The following ALKBH8 variants were observed in gnomAD, a reference collection of about 807,000 sequenced individuals.
ALKBH8 encodes the protein alkB homolog 8, tRNA methyltransferase.
In ALKBH8, 36 loss-of-function variants were observed where a neutral mutation model predicts 59.8. That is an observed-to-expected ratio of 0.60 (90% confidence interval 0.46 to 0.79). The LOEUF is 0.79. Ranked by LOEUF, ALKBH8 falls within the 30% of genes least tolerant of loss-of-function variation. The pLI is 0.00. For synonymous variants in ALKBH8, 276 were observed against 273.6 expected (o/e 1.01, Z -0.09); for missense variants, 768 against 801.0 (o/e 0.96, Z 0.50).
At position 107,545,883 on chromosome 11, in the gene ALKBH8, C is replaced by T. The variant is rs571593941; in HGVS notation, c.771+3870G>A. On this transcript the variant is annotated intron_variant, in intron 7 of 11. Transcript: ENST00000428149. Reference sequence around the variant, plus strand: ...TTAAATCACATGCAAATCCATTAAACATCTGAAAATCTGGCAGAGTCAGGA... The same window carrying T: ...TTAAATCACATGCAAATCCATTAAATATCTGAAAATCTGGCAGAGTCAGGA... 3.3e-5 allele frequency among the ~76,000 whole-genome samples: 5 copies of T among 152,278 alleles called. No individual in the cohort carries two copies. The South Asian group carries it at 8.3e-4, about 25-fold the overall frequency.
chr11:107,544,467 A>G (rs1301765227), intron 7 of ALKBH8, among the ~76,000 whole-genome samples: 1 of 152,196 alleles, frequency 6.6e-6, no homozygotes, highest in African/African-American at 2.4e-5. Context: ...AGAGATCCTG[A>G]AAGATGAGAA....
At chr11:107,538,000 AT>A (rs1353776449) in intron 7 of ALKBH8, among the ~76,000 whole-genome samples, 8 of 152,092 alleles carry the variant, frequency 5.3e-5, no homozygotes, top group African/African-American at 1.7e-4. Flanking sequence ...GGGCCCCACA[AT>A]TTAGATAGCC....
intron 7 of ALKBH8, among the ~76,000 whole-genome samples, chr11:107,533,593 G>A (rs1310752868): frequency 6.6e-6 from 1 of 152,020 alleles, no homozygotes; most frequent in Non-Finnish European, 1.5e-5. Flanking sequence ...ATTTCATATA[G>A]TCATACCCTG....
At chr11:107,526,977 A>T (rs1003392224) in intron 8 of ALKBH8, among the ~76,000 whole-genome samples, 1 of 152,014 alleles carries the variant, frequency 6.6e-6, no homozygotes, top group Non-Finnish European at 1.5e-5. Context: ...GCCATATAGT[A>T]AGTCTTAAAA....
At position 107,549,792 on chromosome 11, in the gene ALKBH8, A is replaced by C; in HGVS notation, c.732T>G (p.Ala244=). 1 of 1,550,444 alleles carries C rather than the reference A, an allele frequency of 6.4e-7. No individual in the cohort carries two copies. Among genetic ancestry groups the C allele is most frequent in the Non-Finnish European group, 8.7e-7 (1 of 1,145,980 alleles). The change falls in exon 7 of 12, where the codon GCT becomes GCG. Residue 244 remains alanine (A), a synonymous_variant. Coordinates refer to ENST00000428149, the MANE Select transcript of ALKBH8 (RefSeq NM_138775.3). ...TGAGAGAAACGATCTCATCCTCAAAAGCGGAATGTGTATCAATATGAGCGG... is the reference window on the plus strand; with the variant it reads ...TGAGAGAAACGATCTCATCCTCAAACGCGGAATGTGTATCAATATGAGCGG... ...GIPAHIDTHS[A]FEDEIVSLSL... is the part of the protein sequence containing the mutation.
rs1181665297 is a variant in ALKBH8 at position 107,505,337 on chromosome 11, T to C, written c.1438-122A>G. ...TAAGAATATCTAACAAAATATCTTA[T>C]GTAAAACAAAAAGGAAAAAAAGAAG... On this transcript the variant is annotated intron_variant, in intron 11 of 11. Transcript: ENST00000428149. 18 of 749,766 alleles carry C rather than the reference T, an allele frequency of 2.4e-5. No homozygotes were observed. The East Asian group carries it at 3.9e-4, about 16-fold the overall frequency. 46.4% of individuals were successfully genotyped at this position (749,766 alleles called of 1,614,324 possible).
intron 10 of ALKBH8, among the ~76,000 whole-genome samples, chr11:107,513,246 GA>G (rs1565314357): frequency 6.6e-6 from 1 of 152,112 alleles, no homozygotes; most frequent in African/African-American, 2.4e-5. Context: ...CAAAGGACAT[GA>G]ACAGATACTT....
chr11:107,548,803 G>C (rs902517906), intron 7 of ALKBH8, among the ~76,000 whole-genome samples: 1 of 151,860 alleles, frequency 6.6e-6, no homozygotes, highest in Admixed American at 6.6e-5. Flanking sequence ...AATTAGATTA[G>C]ATGACCTGAT....
chr11:107,565,260 A>G (rs1591339778), intron 1 of ALKBH8: 1 of 422,938 alleles, frequency 2.4e-6, no homozygotes, highest in East Asian at 4.8e-5. Context: ...CATCGATGCA[A>G]TCAGACCGAT....
chr11:107,562,143 C>A (rs1864960930), intron 1 of ALKBH8, among the ~76,000 whole-genome samples: 1 of 151,928 alleles, frequency 6.6e-6, no homozygotes, highest in African/African-American at 2.4e-5. Context: ...ACTAAAAGTA[C>A]AAAAAATTAG....
intron 10 of ALKBH8, among the ~76,000 whole-genome samples, chr11:107,516,955 T>C (rs1862889758): frequency 1.3e-5 from 2 of 151,964 alleles, no homozygotes; most frequent in African/African-American, 4.8e-5. Flanking sequence ...GCCTGCAAGG[T>C]CAAGGAGGCT....
chr11:107,561,239 C>G (rs1372807869), intron 1 of ALKBH8, among the ~76,000 whole-genome samples: 1 of 151,874 alleles, frequency 6.6e-6, no homozygotes, highest in African/African-American at 2.4e-5. Context: ...TAACGTAAAC[C>G]AAGGCAAGGA....
chr11:107,518,447 C>T (rs891199121), intron 10 of ALKBH8, among the ~76,000 whole-genome samples: 35 of 152,196 alleles, frequency 2.3e-4, no homozygotes, highest in Non-Finnish European at 4.7e-4. Flanking sequence ...ATAAACTGGC[C>T]CCAAAACTGG....
At chr11:107,562,099 A>C (rs529671983) in intron 1 of ALKBH8, among the ~76,000 whole-genome samples, 1 of 152,260 alleles carries the variant, frequency 6.6e-6, no homozygotes, top group African/African-American at 2.4e-5. Flanking sequence ...GGAGTTCAAG[A>C]CCAGCCTGGT....
chr11:107,526,001 A>G (rs1006844983), intron 8 of ALKBH8, among the ~76,000 whole-genome samples: 7 of 152,072 alleles, frequency 4.6e-5, no homozygotes, highest in Admixed American at 4.6e-4. Context: ...AAAAATTAAA[A>G]ATAACTACAT....
rs537777022 is a variant in ALKBH8, at chr11:107,560,876, T to C, written c.18A>G (p.Gln6=). The C allele has an allele frequency of 2.5e-6, 4 of 1,612,686 alleles. No individual in the cohort carries two copies. In the African/African-American group the frequency reaches 5.3e-5, roughly 22 times the overall value. Residue 6 remains glutamine, a synonymous_variant, in exon 2 of 12, where the codon CAA becomes CAG. Coordinates refer to ENST00000428149, the MANE Select transcript of ALKBH8 (RefSeq NM_138775.3). The part of the protein sequence containing the change: MDSNH[Q]SNYKLSKTEK... ...CAGTTTTACTGAGTTTGTAATTACT[T>C]TGATGGTTGCTGTCCATAGCAAACT...
At chr11:107,551,296 G>A (rs1864480293) in intron 6 of ALKBH8, among the ~76,000 whole-genome samples, 1 of 152,210 alleles carries the variant, frequency 6.6e-6, no homozygotes, top group Admixed American at 6.5e-5. Flanking sequence ...ACTTTGAAAT[G>A]CAAGTTCCTC....
intron 8 of ALKBH8, among the ~76,000 whole-genome samples, chr11:107,527,777 C>A (rs1440592139): frequency 6.6e-6 from 1 of 151,940 alleles, no homozygotes; most frequent in Non-Finnish European, 1.5e-5. Context: ...GAATTTTACT[C>A]CTTCCTTTCA....
At chr11:107,520,507 T>C (rs1863063987) in intron 10 of ALKBH8, among the ~76,000 whole-genome samples, 1 of 152,188 alleles carries the variant, frequency 6.6e-6, no homozygotes, top group Non-Finnish European at 1.5e-5. Flanking sequence ...CCTGACTAGA[T>C]AAAACCATGG....
Sources: gnomAD v4.1 joint callset for allele counts (sites outside exome capture counted in the v4.1 genomes callset) on GRCh38, gnomAD v4.1.1 for gene constraint, MANE v1.5 for transcripts, NCBI Gene and HGNC (gene_info 2026-07-23, HGNC 2026-07-21) for gene names.